Variants in MYD88 observed in about 807,000 individuals in gnomAD.
The protein encoded by MYD88 is MYD88 innate immune signal transduction adaptor.
A neutral mutation model predicts 31.1 loss-of-function variants in MYD88; 15 were observed. The observed-to-expected ratio is 0.48, with a 90% CI of 0.32 to 0.74. The LOEUF (loss-of-function observed/expected upper bound fraction) is 0.74, where lower values mean the gene tolerates loss of function less well. MYD88 is among the 30% of genes least tolerant of loss of function. The pLI is 0.03. For missense variants in MYD88, 308 were observed against 387.4 expected, an observed-to-expected ratio of 0.79 and a Z score of 1.72; for synonymous variants, 157 against 158.8, an observed-to-expected ratio of 0.99 and a Z score of 0.08.
In MYD88 at chr3:38,139,921, T is replaced by C; in HGVS notation, c.386T>C (p.Leu129Ser). Residue 129 changes from leucine (L) to serine (S), a missense_variant, in exon 2 of 5, where the codon TTA becomes TCA. By Grantham distance (145) the Leu-to-Ser change is moderately radical (BLOSUM62 -2). Coordinates refer to ENST00000650905, the MANE Select transcript of MYD88 (RefSeq NM_002468.5). This position sits in a 1 kb window ranked among gnomAD's most constrained non-coding sequence, Gnocchi z 4.7. ...KQQQEEAEKP[L>S]QVAAVDSSVP... ...CAGCAGGAGGAGGCTGAGAAGCCTT[T>C]ACAGGTGGCCGCTGTAGACAGCAGT... The C allele has an allele frequency of 6.2e-7, 1 of 1,613,654 alleles. No individual in the cohort carries two copies. The highest frequency in any genetic ancestry group is 8.5e-7 in the Non-Finnish European group (1 of 1,180,004).
Position 38,139,758 on chromosome 3 carries a change from C to G in MYD88, c.329-106C>G. ...GGCACCAGTGAACTGGGGAAGCCCT[C>G]TAGAACAACCCAGCCAGAGGAGGTG... On this transcript the variant is annotated intron_variant, in intron 1 of 4. Coordinates refer to ENST00000650905, the MANE Select transcript of MYD88 (RefSeq NM_002468.5). This position sits in a 1 kb window ranked among gnomAD's most constrained non-coding sequence, Gnocchi z 4.7. 6.7e-7 allele frequency: 1 copy of G among 1,501,574 alleles called. No homozygotes were observed. Among genetic ancestry groups the G allele is most frequent in the Non-Finnish European group, 9.1e-7 (1 of 1,098,310 alleles). 93.0% of individuals were successfully genotyped at this position (1,501,574 alleles called of 1,614,324 possible). A position where few individuals can be genotyped will look rare whatever the true frequency, so the allele number is the denominator to read the frequency against.
chr3:38,140,048 G>T (rs772076568), intron 2 of MYD88, 50 bp downstream of exon 2: 2 of 1,605,574 alleles, frequency 1.2e-6, no homozygotes, highest in Non-Finnish European at 1.7e-6. Context: ...GGACATTGTG[G>T]TGTTAAGAGC....
Position 38,139,842 on chromosome 3 carries a change from T to A in MYD88, c.329-22T>A, listed in dbSNP as rs769904980. Reference sequence around the variant, plus strand: ...GGTAGGCACTCCCAGGGAGGCTGCTTTACTCTGTCTCTTCCCCACAGAGGA... The same window carrying A: ...GGTAGGCACTCCCAGGGAGGCTGCTATACTCTGTCTCTTCCCCACAGAGGA... On this transcript the variant is annotated intron_variant, in intron 1 of 4. Transcript: ENST00000650905. This position sits in a 1 kb window ranked among gnomAD's most constrained non-coding sequence, Gnocchi z 4.7. 1 of 1,611,954 alleles carries A rather than the reference T, an allele frequency of 6.2e-7. No individual in the cohort carries two copies. Among genetic ancestry groups the A allele is most frequent in the Non-Finnish European group, 8.5e-7 (1 of 1,179,944 alleles).
chr3:38,140,739 C>T lies in MYD88; in HGVS notation c.645-18C>T, dbSNP rs375012239. The T allele has an allele frequency of 1.2e-6, 2 of 1,612,612 alleles. No homozygotes were observed. Among genetic ancestry groups the T allele is most frequent in the South Asian group, 2.2e-5 (2 of 91,062 alleles). On this transcript the variant is annotated intron_variant, in intron 3 of 4. Transcript: ENST00000650905. The stretch of plus-strand genomic sequence containing the variant: ...ACTAAGTTGCCACAGGACCTGCAGC[C>T]TGCCCACTCTCCCCTAGGTGCCGCC...
Position 38,139,344 on chromosome 3 carries a change from TG to T in MYD88, c.328+320del. On this transcript the variant is annotated intron_variant, in intron 1 of 4. Coordinates refer to ENST00000650905, the MANE Select transcript of MYD88 (RefSeq NM_002468.5). This position sits in a 1 kb window ranked among gnomAD's most constrained non-coding sequence, Gnocchi z 4.7. ...GTTTCAAGTAGAGCAACAGGACAGG[TG>T]GGGCGATTGACAGTGGACTGTCTTA... The T allele has an allele frequency of 2.0e-6, 1 of 488,584 alleles. No homozygotes were observed. Among genetic ancestry groups the T allele is most frequent in the East Asian group, 3.6e-5 (1 of 27,874 alleles). 30.3% of individuals were successfully genotyped at this position (488,584 alleles called of 1,614,324 possible). A position where few individuals can be genotyped will look rare whatever the true frequency, so the allele number is the denominator to read the frequency against.
At position 38,141,115 on chromosome 3, in the gene MYD88, C is replaced by T. The variant is rs1183374933; in HGVS notation, c.737-17C>T. 1 of 1,614,088 alleles carries T rather than the reference C, an allele frequency of 6.2e-7. No individual in the cohort carries two copies. Among genetic ancestry groups the T allele is most frequent in the Non-Finnish European group, 8.5e-7 (1 of 1,180,034 alleles). On this transcript the variant is annotated splice_polypyrimidine_tract_variant and intron_variant, in intron 4 of 4. Coordinates refer to ENST00000650905, the MANE Select transcript of MYD88 (RefSeq NM_002468.5). ...GGGCAAGGGCCTGATGCCAGCATGG[C>T]ACCCCTTGGCTTGCAGGTGCCCATC...
Position 38,140,412 on chromosome 3 carries a change from C to T in MYD88, c.488C>T (p.Ala163Val). The T allele has an allele frequency of 6.2e-7, 1 of 1,614,214 alleles. No individual in the cohort carries two copies. ...GGGCATATGCCTGAGCGTTTCGATG[C>T]CTTCATCTGCTATTGCCCCAGCGAC... ...PLGHMPERFDAFICYCPSDIQ... is the reference protein window; with the variant it reads ...PLGHMPERFDVFICYCPSDIQ... Residue 163 changes from alanine (A) to valine (V), a missense_variant, in exon 3 of 5, where the codon GCC (alanine) becomes GTC (valine). Coordinates refer to ENST00000650905, the MANE Select transcript of MYD88 (RefSeq NM_002468.5).
intron 4 of MYD88, 26 bp downstream of exon 4, chr3:38,140,874 A>G (rs1225580095): frequency 5.0e-6 from 8 of 1,603,072 alleles, no homozygotes; most frequent in African/African-American, 4.0e-5. Context: ...CTCTGGCAAG[A>G]GAATGAGGGA....
rs1482147399 is a variant in MYD88, at chr3:38,141,583, C to T, written c.*297C>T. On this transcript the variant is annotated 3_prime_UTR_variant, in exon 5 of 5. Coordinates refer to ENST00000650905, the MANE Select transcript of MYD88 (RefSeq NM_002468.5). ...CCAGCTCAGCTCTGAGCCATTCACA[C>T]ATCTTCACCCTCAGTTTCCTCACTT... 1 of 503,602 alleles carries T rather than the reference C, an allele frequency of 2.0e-6. No homozygotes were observed. The allele number at this position is 503,602 out of a possible 1,614,324, so 31.2% of individuals were successfully genotyped here. A position where few individuals can be genotyped will look rare whatever the true frequency, so the allele number is the denominator to read the frequency against.
chr3:38,141,503 A>G lies in MYD88; in HGVS notation c.*217A>G. 3 of 662,804 alleles carry G rather than the reference A, an allele frequency of 4.5e-6. No individual in the cohort carries two copies. The highest frequency in any genetic ancestry group is 8.1e-6 in the Non-Finnish European group (3 of 371,274). The allele number at this position is 662,804 out of a possible 1,614,324, so 41.1% of individuals were successfully genotyped here. A position where few individuals can be genotyped will look rare whatever the true frequency, so the allele number is the denominator to read the frequency against. ...GAGTGGCATGTCCACTTGCTGGATTATCAGCCAGGACACTATAGAACAGGA... is the reference window on the plus strand; with the variant it reads ...GAGTGGCATGTCCACTTGCTGGATTGTCAGCCAGGACACTATAGAACAGGA... On this transcript the variant is annotated 3_prime_UTR_variant, in exon 5 of 5. Coordinates refer to ENST00000650905, the MANE Select transcript of MYD88 (RefSeq NM_002468.5).
Position 38,141,416 on chromosome 3 carries a change from C to A in MYD88, c.*130C>A. 8.1e-7 allele frequency: 1 copy of A among 1,233,750 alleles called. No individual in the cohort carries two copies. The highest frequency in any genetic ancestry group is 1.2e-6 in the Non-Finnish European group (1 of 842,298). 76.4% of individuals were successfully genotyped at this position (1,233,750 alleles called of 1,614,324 possible). A position where few individuals can be genotyped will look rare whatever the true frequency, so the allele number is the denominator to read the frequency against. On this transcript the variant is annotated 3_prime_UTR_variant, in exon 5 of 5. Coordinates refer to ENST00000650905, the MANE Select transcript of MYD88 (RefSeq NM_002468.5). ...TCTCAATTCCTGGAGATGCCAACTT[C>A]ACAGACACGTCTGCAGCAGCTGGAC...
rs1188296379 is a variant in MYD88, at chr3:38,141,395, A to C, written c.*109A>C. The C allele has an allele frequency of 6.8e-7, 1 of 1,462,692 alleles. No homozygotes were observed. The highest frequency in any genetic ancestry group is 9.6e-7 in the Non-Finnish European group (1 of 1,046,604). 90.6% of individuals were successfully genotyped at this position (1,462,692 alleles called of 1,614,324 possible). On this transcript the variant is annotated 3_prime_UTR_variant, in exon 5 of 5. Transcript: ENST00000650905. ...GGAATCTGTGCTCTACTTACCTCTCAATTCCTGGAGATGCCAACTTCACAG... is the reference window on the plus strand; with the variant it reads ...GGAATCTGTGCTCTACTTACCTCTCCATTCCTGGAGATGCCAACTTCACAG...
rs1437983184 is a variant in MYD88, at chr3:38,139,629, C to T, written c.329-235C>T. 1 of 578,340 alleles carries T rather than the reference C, an allele frequency of 1.7e-6. No individual in the cohort carries two copies. Among genetic ancestry groups the T allele is most frequent in the Non-Finnish European group, 3.1e-6 (1 of 322,746 alleles). The allele number at this position is 578,340 out of a possible 1,614,324, so 35.8% of individuals were successfully genotyped here. A position where few individuals can be genotyped will look rare whatever the true frequency, so the allele number is the denominator to read the frequency against. ...CCCTAGGAAGGGACAGAGATACAAA[C>T]CTGACTTTGATGGCCTTCCAGAAAG... is the stretch of plus-strand genomic sequence containing the variant. On this transcript the variant is annotated intron_variant, in intron 1 of 4. Transcript: ENST00000650905. The surrounding 1 kb of genome is among the most constrained non-coding windows in gnomAD (Gnocchi z 4.7).
In MYD88 at chr3:38,140,258, A is replaced by C. The variant is rs890536088; in HGVS notation, c.464-130A>C. 8 of 1,128,208 alleles carry C rather than the reference A, an allele frequency of 7.1e-6. No homozygotes were observed. The African/African-American group carries it at 1.2e-4, about 17-fold the overall frequency. The allele number at this position is 1,128,208 out of a possible 1,614,324, so 69.9% of individuals were successfully genotyped here. ...TCATCTTTCCTCTCCTGGAAAGGGC[A>C]CTTTCTCTGAGGAGTATCATCTTGG... is the stretch of plus-strand genomic sequence containing the variant. On this transcript the variant is annotated intron_variant, in intron 2 of 4. Transcript: ENST00000650905.
chr3:38,141,877 G>C lies in MYD88; in HGVS notation c.*591G>C, dbSNP rs990134369. 7.8e-6 allele frequency: 2 copies of C among 258,048 alleles called. No homozygotes were observed. The highest frequency in any genetic ancestry group is 9.5e-5 in the Admixed American group (2 of 21,042). 16.0% of individuals were successfully genotyped at this position (258,048 alleles called of 1,614,324 possible). A position where few individuals can be genotyped will look rare whatever the true frequency, so the allele number is the denominator to read the frequency against. ...GCAGGTGGGGAAGCAGTTTGGCCCA[G>C]CCCAAGGAGACCCCACCTTGAGCCT... On this transcript the variant is annotated 3_prime_UTR_variant, in exon 5 of 5. Coordinates refer to ENST00000650905, the MANE Select transcript of MYD88 (RefSeq NM_002468.5).
intron 4 of MYD88, 70 bp downstream of exon 4, chr3:38,140,918 C>G (rs1306217749): frequency 1.3e-6 from 2 of 1,497,312 alleles, no homozygotes; most frequent in East Asian, 2.3e-5. Context: ...TGTCAGCCTT[C>G]CCTCCCCAAG....
chr3:38,140,753 C>T lies in MYD88; in HGVS notation c.645-4C>T, dbSNP rs1464444837. ...GGACCTGCAGCCTGCCCACTCTCCC[C>T]TAGGTGCCGCCGGATGGTGGTGGTT... is the stretch of plus-strand genomic sequence containing the variant. On this transcript the variant is annotated splice_polypyrimidine_tract_variant and splice_region_variant and intron_variant, in intron 3 of 4. Coordinates refer to ENST00000650905, the MANE Select transcript of MYD88 (RefSeq NM_002468.5). 1 of 1,614,140 alleles carries T rather than the reference C, an allele frequency of 6.2e-7. No individual in the cohort carries two copies. The highest frequency in any genetic ancestry group is 1.1e-5 in the South Asian group (1 of 91,080).
intron 4 of MYD88, 123 bp downstream of exon 4, chr3:38,140,971 C>T: frequency 7.4e-7 from 1 of 1,351,860 alleles, no homozygotes; most frequent in Non-Finnish European, 1.1e-6. Context: ...GATCTCTGCA[C>T]ACCTGAGCAT....
chr3:38,140,761 C>T lies in MYD88; in HGVS notation c.649C>T (p.Arg217Cys), dbSNP rs1559484916. ...AGCCTGCCCACTCTCCCCTAGGTGC[C>T]GCCGGATGGTGGTGGTTGTCTCTGA... Reference protein sequence around the residue: ...IASELIEKRCRRMVVVVSDDY... With the variant: ...IASELIEKRCCRMVVVVSDDY... The change falls in exon 4 of 5, where the codon CGC (arginine) becomes TGC (cysteine). Residue 217 changes from arginine to cysteine, a missense_variant. Coordinates refer to ENST00000650905, the MANE Select transcript of MYD88 (RefSeq NM_002468.5). 8.7e-6 allele frequency: 14 copies of T among 1,614,096 alleles called. No homozygotes were observed. Among genetic ancestry groups the T allele is most frequent in the East Asian group, 4.5e-5 (2 of 44,880 alleles).
Sources: gnomAD v4.1 joint callset for allele counts on GRCh38, gnomAD v4.1.1 for gene constraint, Gnocchi (gnomAD v3.1) non-coding constraint, MANE v1.5 for transcripts, NCBI Gene and HGNC (gene_info 2026-07-23, HGNC 2026-07-21) for gene names.